Variants in SYAP1 observed in about 807,000 individuals in gnomAD.
The protein encoded by SYAP1 is synapse-associated protein 1.
A neutral mutation model predicts 29.6 loss-of-function variants in SYAP1; 3 were observed. The observed-to-expected ratio is 0.10, with a 90% CI of 0.05 to 0.26. The LOEUF (loss-of-function observed/expected upper bound fraction) is 0.26, where lower values mean the gene tolerates loss of function less well. Ranked by LOEUF, SYAP1 falls within the 10% of genes least tolerant of loss-of-function variation. SYAP1 has a pLI of 1.00. For missense variants in SYAP1, 217 were observed against 264.1 expected (o/e 0.82, Z 1.24); for synonymous variants, 102 against 102.7 (o/e 0.99, Z 0.04).
At chrX:16,740,836 C>A (rs925996240) in intron 3 of SYAP1, among the ~76,000 whole-genome samples, 2 of 111,643 alleles carry the variant, frequency 1.8e-5, no homozygotes, top group Non-Finnish European at 3.8e-5. Flanking sequence ...TAACATTTGT[C>A]CCCCTCGTAT....
intron 6 of SYAP1, among the ~76,000 whole-genome samples, 172 bp downstream of exon 6, chrX:16,755,265 CAT>C (rs927319124): frequency 4.5e-5 from 5 of 111,639 alleles, no homozygotes; most frequent in African/African-American, 1.3e-4. Flanking sequence ...CCAGCTCACA[CAT>C]GTCTTCCCCA....
chrX:16,758,810 G>A (rs1417153482), intron 8 of SYAP1, among the ~76,000 whole-genome samples: 1 of 110,949 alleles, frequency 9.0e-6, no homozygotes, highest in Non-Finnish European at 1.9e-5. Context: ...AACACAGGGT[G>A]TCTTTTCCTT....
At chrX:16,750,829 G>A (rs183714443) in intron 5 of SYAP1, among the ~76,000 whole-genome samples, 346 of 103,797 alleles carry the variant, frequency 3.3e-3, no homozygotes, top group African/African-American at 0.011. Context: ...GTGCGATGGC[G>A]CCATCTTGGC....
At position 16,742,143 on chromosome X, in the gene SYAP1, GTTTTTTTTTT is replaced by G. The variant is rs144175479; in HGVS notation, c.435+371_435+380del. Among the ~76,000 whole-genome samples the G allele has an allele frequency of 2.0e-3, 83 of 41,861 alleles. 2 individuals are homozygous for G. In the South Asian group the frequency reaches 0.073, roughly 37 times the overall value. The allele number at this position is 41,861 out of a possible 115,157, so 36.4% of individuals were successfully genotyped here. On this transcript the variant is annotated intron_variant, in intron 4 of 8. Transcript: ENST00000380155. ...ACCATGCCCAGCTAATTTTTGTGTG[GTTTTTTTTTT>G]TTTTTTTTTTTTTTTTGAGACAAAG...
intron 5 of SYAP1, among the ~76,000 whole-genome samples, chrX:16,751,077 G>A (rs1056618325): frequency 2.7e-5 from 3 of 109,401 alleles, no homozygotes; most frequent in Admixed American, 9.9e-5. Flanking sequence ...CTGACTGATC[G>A]TATTCTACTC....
intron 1 of SYAP1, among the ~76,000 whole-genome samples, chrX:16,730,802 G>T (rs946594748): frequency 3.6e-5 from 4 of 112,069 alleles, no homozygotes; most frequent in South Asian, 3.7e-4. Context: ...GCCATACAAG[G>T]TCCTTTCTTA....
rs1365893853 is a variant in SYAP1, at chrX:16,762,290, AAC to A, written c.*1939_*1940del. The A allele has an allele frequency of 7.1e-5, 8 of 111,983 alleles. No individual in the cohort carries two copies. Among genetic ancestry groups the A allele is most frequent in the Non-Finnish European group, 1.9e-5 (1 of 53,304 alleles). The allele number at this position is 111,983 out of a possible 1,213,427, so 9.2% of individuals were successfully genotyped here. A position where few individuals can be genotyped will look rare whatever the true frequency, so the allele number is the denominator to read the frequency against. ...AATTCTTATTGATAAATGTTGAATA[AAC>A]ACACACAAAAAAGTATCAGAGAAAG... On this transcript the variant is annotated 3_prime_UTR_variant, in exon 9 of 9. Coordinates refer to ENST00000380155, the MANE Select transcript of SYAP1 (RefSeq NM_032796.4).
At chrX:16,739,767 G>A (rs551813500) in intron 3 of SYAP1, among the ~76,000 whole-genome samples, 2 of 111,576 alleles carry the variant, frequency 1.8e-5, no homozygotes, top group Admixed American at 1.9e-4. Context: ...GTGAAGCACC[G>A]TGTGTTTTGC....
At chrX:16,725,597 C>T (rs1309357610) in intron 1 of SYAP1, among the ~76,000 whole-genome samples, 1 of 112,442 alleles carries the variant, frequency 8.9e-6, no homozygotes, top group Non-Finnish European at 1.9e-5. Context: ...AATCTCTTGT[C>T]ATGCTCTCCA....
At chrX:16,729,038 C>CG (rs755365902) in intron 1 of SYAP1, among the ~76,000 whole-genome samples, 5 of 73,537 alleles carry the variant, frequency 6.8e-5, no homozygotes, top group Non-Finnish European at 1.2e-4. Flanking sequence ...GCAGCTATCT[C>CG]GAAAAAAAAA....
At chrX:16,737,149 C>T (rs1422153529) in intron 3 of SYAP1, among the ~76,000 whole-genome samples, 3 of 110,727 alleles carry the variant, frequency 2.7e-5, no homozygotes, top group Non-Finnish European at 3.8e-5. Context: ...CAGGCCAAGG[C>T]GCGAGGATCA....
intron 5 of SYAP1, among the ~76,000 whole-genome samples, chrX:16,749,190 G>A (rs1426031005): frequency 1.8e-5 from 2 of 110,956 alleles, no homozygotes; most frequent in African/African-American, 3.3e-5. Flanking sequence ...TGAATAGCTG[G>A]GATTACAGGC....
chrX:16,753,099 C>T (rs1436249287), intron 5 of SYAP1, among the ~76,000 whole-genome samples: 1 of 109,718 alleles, frequency 9.1e-6, no homozygotes, highest in Non-Finnish European at 1.9e-5. Context: ...CCAGGCATAG[C>T]TGGGCATGGT....
At chrX:16,739,637 C>G (rs780705158) in intron 3 of SYAP1, among the ~76,000 whole-genome samples, 1 of 110,872 alleles carries the variant, frequency 9.0e-6, no homozygotes, top group African/African-American at 3.3e-5. Flanking sequence ...TTTTAAAGCA[C>G]TTGCTGGGTC....
chrX:16,725,758 A>G (rs1926071414), intron 1 of SYAP1, among the ~76,000 whole-genome samples: 1 of 111,709 alleles, frequency 9.0e-6, no homozygotes, highest in African/African-American at 3.2e-5. Flanking sequence ...GGAGGGCAAG[A>G]ACTTGTGCTT....
intron 5 of SYAP1, among the ~76,000 whole-genome samples, chrX:16,751,526 C>A (rs1319536840): frequency 3.0e-5 from 3 of 100,301 alleles, no homozygotes; most frequent in African/African-American, 1.1e-4. Context: ...AAAAAAACAA[C>A]AAAAAAAAAT....
intron 1 of SYAP1, among the ~76,000 whole-genome samples, chrX:16,720,234 C>T (rs1265020001): frequency 1.8e-5 from 2 of 112,239 alleles, no homozygotes; most frequent in Non-Finnish European, 3.8e-5. Context: ...ACTCGAAAAC[C>T]TTCATTTACA....
At chrX:16,745,240 A>G (rs1189337461) in intron 5 of SYAP1, among the ~76,000 whole-genome samples, 2 of 111,650 alleles carry the variant, frequency 1.8e-5, no homozygotes, top group Non-Finnish European at 3.8e-5. Context: ...TGATAGGCAG[A>G]CTATCCCTTG....
intron 1 of SYAP1, among the ~76,000 whole-genome samples, chrX:16,728,450 T>C (rs1021017743): frequency 5.4e-5 from 6 of 111,377 alleles, no homozygotes; most frequent in African/African-American, 2.0e-4. Context: ...GTGGATCACC[T>C]GAGGCCAGGA....
Sources: allele counts gnomAD v4.1 joint callset (sites outside exome capture counted in the v4.1 genomes callset), GRCh38; gene constraint gnomAD v4.1.1; transcripts MANE v1.5; gene names NCBI Gene and HGNC (gene_info 2026-07-23, HGNC 2026-07-21).